Variants in TMEM108 observed in about 807,000 individuals in gnomAD.
TMEM108 encodes the protein cancer/testis antigen 124.
Under a neutral mutation model 35.1 loss-of-function variants are expected in TMEM108, and 12 were observed. The observed-to-expected ratio is 0.34, with a 90% CI of 0.22 to 0.55. The LOEUF is 0.55. Among genes scored for constraint, TMEM108 ranks in the 20% least tolerant of loss-of-function variants. The probability of loss-of-function intolerance (pLI) is 0.89; values close to 1 mark genes in which losing one functional copy is unlikely to be tolerated. For synonymous variants in TMEM108, 287 were observed against 308.6 expected (o/e 0.93, Z 0.73); for missense variants, 680 against 753.3 (o/e 0.90, Z 1.14).
chr3:133,252,215 ACT>A (rs993649471), intron 3 of TMEM108, among the ~76,000 whole-genome samples: 2 of 152,074 alleles, frequency 1.3e-5, no homozygotes, highest in African/African-American at 4.8e-5. Flanking sequence ...ATTCATTTCA[ACT>A]CTCTGTTATG....
intron 3 of TMEM108, among the ~76,000 whole-genome samples, chr3:133,291,931 G>A (rs559678015): frequency 5.3e-5 from 8 of 152,114 alleles, no homozygotes; most frequent in Non-Finnish European, 1.2e-4. Context: ...GTCATGTCTT[G>A]TTGAAAATCA....
intron 2 of TMEM108, among the ~76,000 whole-genome samples, chr3:133,178,321 A>G (rs71315690): frequency 0.27 from 41,463 of 151,996 alleles, 5,908 homozygotes; most frequent in Middle Eastern, 0.38. Context: ...TAAAGTTCAT[A>G]TGGAACCAAA....
intron 3 of TMEM108, among the ~76,000 whole-genome samples, chr3:133,282,139 A>C (rs1028526650): frequency 6.6e-6 from 1 of 152,258 alleles, no homozygotes; most frequent in Non-Finnish European, 1.5e-5. Flanking sequence ...CCTGGGCGAC[A>C]GAGCGAGACT....
chr3:133,146,741 T>A (rs185781475), intron 2 of TMEM108, among the ~76,000 whole-genome samples: 1 of 152,348 alleles, frequency 6.6e-6, no homozygotes, highest in East Asian at 1.9e-4. Flanking sequence ...GATTTTCTAG[T>A]TTATTTGCAT....
At chr3:133,388,534 C>G (rs1559948782) in intron 4 of TMEM108, 2 of 985,198 alleles carry the variant, frequency 2.0e-6, no homozygotes, top group Non-Finnish European at 2.4e-6. Flanking sequence ...AAGTTCTGTA[C>G]CAGCTAATCT....
intron 3 of TMEM108, among the ~76,000 whole-genome samples, chr3:133,292,749 A>G (rs937290230): frequency 6.6e-6 from 1 of 151,962 alleles, no homozygotes; most frequent in Non-Finnish European, 1.5e-5. Flanking sequence ...CTTAGCCACA[A>G]CTCCCCTGCT....
intron 3 of TMEM108, among the ~76,000 whole-genome samples, chr3:133,320,044 G>A (rs2071246779): frequency 6.6e-6 from 1 of 152,186 alleles, no homozygotes; most frequent in African/African-American, 2.4e-5. Flanking sequence ...GAGGTGGGAA[G>A]ATCACTTGAG....
chr3:133,090,949 G>A (rs182199694), intron 2 of TMEM108, among the ~76,000 whole-genome samples: 40 of 152,158 alleles, frequency 2.6e-4, no homozygotes, highest in East Asian at 1.9e-4. Context: ...TAAAAGTGAT[G>A]ATCATCCTTG....
At chr3:133,045,584 A>G (rs1416018623) in intron 1 of TMEM108, among the ~76,000 whole-genome samples, 1 of 152,244 alleles carries the variant, frequency 6.6e-6, no homozygotes, top group Non-Finnish European at 1.5e-5. Flanking sequence ...GAGAATGCTC[A>G]TGCAAGCTTC....
At chr3:133,228,902 G>A (rs1946112736) in intron 2 of TMEM108, among the ~76,000 whole-genome samples, 1 of 152,088 alleles carries the variant, frequency 6.6e-6, no homozygotes, top group Admixed American at 6.5e-5. Context: ...TTGGGTGTTT[G>A]CTTGTTTTGT....
rs1943946655 is a variant in TMEM108, at chr3:133,091,527, A to G, written c.-47+45507A>G. ...ATATGGTTTAGTAAGCTGCTAAGGA[A>G]ACCATGTGATGGGTGGGATAATTTT... is the stretch of plus-strand genomic sequence containing the variant. On this transcript the variant is annotated intron_variant, in intron 2 of 5. Coordinates refer to ENST00000321871, the MANE Select transcript of TMEM108 (RefSeq NM_023943.4). Among the ~76,000 whole-genome samples, 5 of 152,350 alleles carry G rather than the reference A, an allele frequency of 3.3e-5. No individual in the cohort carries two copies. In the South Asian group the frequency reaches 1.0e-3, roughly 32 times the overall value.
In TMEM108 at chr3:133,391,232, A is replaced by G. The variant is rs568584080; in HGVS notation, c.1605+898A>G. 4.7e-4 allele frequency among the ~76,000 whole-genome samples: 71 copies of G among 152,296 alleles called. 1 individual carries two copies. Among genetic ancestry groups the G allele is most frequent in the Admixed American group, 2.3e-3 (35 of 15,296 alleles). ...CAGCGAATGGATAAGGAAAGAAAAT[A>G]ATGGCTTGATGGATGAGTAAATAGA... is the stretch of plus-strand genomic sequence containing the variant. On this transcript the variant is annotated intron_variant, in intron 5 of 5. Transcript: ENST00000321871.
chr3:133,256,090 A>T (rs377642044), intron 3 of TMEM108, among the ~76,000 whole-genome samples: 3 of 152,346 alleles, frequency 2.0e-5, no homozygotes. Context: ...GCCAGAGGAA[A>T]ATGTTCCTTA....
rs900022121 is a variant in TMEM108 at position 133,105,877 on chromosome 3, T to C, written c.-47+59857T>C. ...ATAAAACCAATATTTTTCTCTGTTA[T>C]AGCCTGTGTACCCCATGGGCAGTGG... On this transcript the variant is annotated intron_variant, in intron 2 of 5. Transcript: ENST00000321871. Among the ~76,000 whole-genome samples the C allele has an allele frequency of 3.3e-5, 5 of 152,322 alleles. No individual in the cohort carries two copies. The East Asian group carries it at 7.7e-4, about 23-fold the overall frequency.
chr3:133,249,826 A>G (rs1456621052), intron 3 of TMEM108, among the ~76,000 whole-genome samples: 1 of 152,174 alleles, frequency 6.6e-6, no homozygotes, highest in East Asian at 1.9e-4. Context: ...TCACTACATT[A>G]AGGAACAAAG....
chr3:133,136,074 C>G (rs1172459489), intron 2 of TMEM108, among the ~76,000 whole-genome samples: 11 of 152,138 alleles, frequency 7.2e-5, no homozygotes, highest in Non-Finnish European at 1.3e-4. Context: ...GAATACAGAT[C>G]TGGGTTTCAG....
intron 2 of TMEM108, among the ~76,000 whole-genome samples, chr3:133,189,012 G>A (rs1945461598): frequency 6.6e-6 from 1 of 152,120 alleles, no homozygotes; most frequent in African/African-American, 2.4e-5. Flanking sequence ...GCCATTAACT[G>A]GAACTCAGTC....
At chr3:133,262,503 A>T (rs1946638955) in intron 3 of TMEM108, among the ~76,000 whole-genome samples, 1 of 152,254 alleles carries the variant, frequency 6.6e-6, no homozygotes. Context: ...ATAGTGATGT[A>T]GAAAGATTGC....
At chr3:133,329,856 A>G (rs1317878122) in intron 3 of TMEM108, among the ~76,000 whole-genome samples, 1 of 152,118 alleles carries the variant, frequency 6.6e-6, no homozygotes, top group East Asian at 1.9e-4. Context: ...TAGATTCCCT[A>G]AGAGAAGGGT....
Sources: gnomAD v4.1 joint callset for allele counts (sites outside exome capture counted in the v4.1 genomes callset) on GRCh38, gnomAD v4.1.1 for gene constraint, MANE v1.5 for transcripts, NCBI Gene and HGNC (gene_info 2026-07-23, HGNC 2026-07-21) for gene names.